RHOXF1: variants seen among roughly 807,000 people sequenced by gnomAD.
RHOXF1 encodes PEPP subfamily gene 1.
In RHOXF1, 1 loss-of-function variant was observed where a neutral mutation model predicts 9.7. That is an observed-to-expected ratio of 0.10 (90% CI 0.04 to 0.49). The LOEUF (loss-of-function observed/expected upper bound fraction) is 0.49, where lower values mean the gene tolerates loss of function less well. RHOXF1 is among the 20% of genes least tolerant of loss of function. The pLI, the probability that RHOXF1 is intolerant of heterozygous loss-of-function variation, is 0.95. For missense variants in RHOXF1, 179 were observed against 168.0 expected, an observed-to-expected ratio of 1.07 and a Z score of -0.36; for synonymous variants, 72 against 70.2, an observed-to-expected ratio of 1.03 and a Z score of -0.13.
chrX:120,116,533 C>T (rs1227082941), upstream of RHOXF1: 1 of 110,641 alleles, frequency 9.0e-6, no homozygotes, highest in Non-Finnish European at 1.9e-5. Flanking sequence ...CCATAGGACG[C>T]CTTGAGTAAA....
chrX:120,115,706 C>A lies in RHOXF1; in HGVS notation c.157G>T (p.Gly53Cys), dbSNP rs1556000472. The stretch of plus-strand genomic sequence containing the variant: ...TTCATGCCGTTCTCGTGGTTCACAC[C>A]GCCCTCAGGGTTCATATTACCCATG... ...GLMGNMNPEG[G>C]VNHENGMNRD... The change falls in exon 1 of 3, where the codon GGT becomes TGT. Residue 53 changes from glycine (G) to cysteine (C), a missense_variant. Gly to Cys is a radical substitution (Grantham distance 159). Transcript: ENST00000217999. The A allele has an allele frequency of 3.3e-6, 4 of 1,206,817 alleles. No homozygotes were observed. The African/African-American group carries it at 7.0e-5, about 21-fold the overall frequency.
intron 2 of RHOXF1, among the ~76,000 whole-genome samples, chrX:120,109,807 G>A (rs962920985): frequency 1.8e-5 from 2 of 110,959 alleles, no homozygotes; most frequent in Admixed American, 1.9e-4. Flanking sequence ...CTGGACTTGA[G>A]CTCCTGGCCT....
At chrX:120,115,116 A>C (rs1452023027) in intron 1 of RHOXF1, among the ~76,000 whole-genome samples, 2 of 111,697 alleles carry the variant, frequency 1.8e-5, no homozygotes, top group African/African-American at 6.5e-5. Context: ...TTAGCTTGGC[A>C]AGATGAGAAG....
upstream of RHOXF1, among the ~76,000 whole-genome samples, chrX:120,119,137 C>T (rs982901124): frequency 4.5e-5 from 5 of 112,102 alleles, no homozygotes; most frequent in African/African-American, 1.6e-4. Flanking sequence ...GAAAGTGAGT[C>T]AAGTAGGAAA....
At chrX:120,109,351 T>C in intron 2 of RHOXF1, 49 bp from the exon 3 acceptor site, 1 of 772,000 alleles carries the variant, frequency 1.3e-6, no homozygotes. Context: ...GAACAGTTAA[T>C]GTCGTAATAG....
At chrX:120,110,982 T>C (rs1470452985) in intron 2 of RHOXF1, among the ~76,000 whole-genome samples, 1 of 112,127 alleles carries the variant, frequency 8.9e-6, no homozygotes, top group Non-Finnish European at 1.9e-5. Context: ...TGGTATGTTC[T>C]GATACTAGGT....
intron 1 of RHOXF1, among the ~76,000 whole-genome samples, chrX:120,113,420 C>T (rs1284297501): frequency 9.1e-6 from 1 of 110,007 alleles, no homozygotes; most frequent in Admixed American, 9.6e-5. Context: ...AACCACCGCA[C>T]CCGGCCAAGA....
upstream of RHOXF1, among the ~76,000 whole-genome samples, chrX:120,118,708 T>C (rs2057306083): frequency 9.0e-6 from 1 of 111,465 alleles, no homozygotes; most frequent in African/African-American, 3.3e-5. Context: ...TGCTTTCACC[T>C]TTTTTCTCCT....
chrX:120,109,088 A>G lies in RHOXF1; in HGVS notation c.*104T>C. 3 of 442,269 alleles carry G rather than the reference A, an allele frequency of 6.8e-6. No homozygotes were observed. Among genetic ancestry groups the G allele is most frequent in the Non-Finnish European group, 1.2e-5 (3 of 245,145 alleles). 36.4% of individuals were successfully genotyped at this position (442,269 alleles called of 1,213,427 possible). On this transcript the variant is annotated 3_prime_UTR_variant, in exon 3 of 3. Coordinates refer to ENST00000217999, the MANE Select transcript of RHOXF1 (RefSeq NM_139282.3). ...GCCTCTTTATTGATAACATAAGTGCAGAGGAGATAAGGGTAGCCTGAGCGG... is the reference window on the plus strand; with the variant it reads ...GCCTCTTTATTGATAACATAAGTGCGGAGGAGATAAGGGTAGCCTGAGCGG...
upstream of RHOXF1, among the ~76,000 whole-genome samples, chrX:120,116,868 C>T (rs1482626350): frequency 1.8e-5 from 2 of 111,286 alleles, no homozygotes; most frequent in African/African-American, 6.6e-5. Flanking sequence ...GTACTCATGG[C>T]AAAATGGAGT....
intron 2 of RHOXF1, among the ~76,000 whole-genome samples, chrX:120,110,138 G>A (rs1323710977): frequency 9.0e-6 from 1 of 111,548 alleles, no homozygotes; most frequent in African/African-American, 3.3e-5. Flanking sequence ...TCAGGGGATT[G>A]TTTAAAAAAT....
Position 120,115,511 on chromosome X carries a change from G to T in RHOXF1, c.352C>A (p.Leu118Met), listed in dbSNP as rs938508848. The change falls in exon 1 of 3, where the codon CTG becomes ATG. Residue 118 changes from leucine (L) to methionine (M), a missense_variant. Leu to Met is a conservative substitution (Grantham distance 15, BLOSUM62 2). Coordinates refer to ENST00000217999, the MANE Select transcript of RHOXF1 (RefSeq NM_139282.3). ...TGAGTGTGTCGGAAAACACTTTCCA[G>T]CTCCTCCACCTGCAACAGCGTGAAC... ...TKFTLLQVEE[L>M]ESVFRHTQYP... is the part of the protein sequence containing the mutation. 2 of 1,132,167 alleles carry T rather than the reference G, an allele frequency of 1.8e-6. No homozygotes were observed. Among genetic ancestry groups the T allele is most frequent in the African/African-American group, 1.8e-5 (1 of 54,315 alleles). 93.3% of individuals were successfully genotyped at this position (1,132,167 alleles called of 1,213,427 possible).
At chrX:120,115,378 T>C (rs1417086845) in intron 1 of RHOXF1, 87 bp downstream of exon 1, 6 of 861,164 alleles carry the variant, frequency 7.0e-6, no homozygotes, top group African/African-American at 6.2e-5. Flanking sequence ...AGTGGCTTTT[T>C]CCTCATGATT....
At position 120,115,594 on chromosome X, in the gene RHOXF1, T is replaced by A. The variant is rs2057290114; in HGVS notation, c.269A>T (p.Gln90Leu). The change falls in exon 1 of 3, where the codon CAG (glutamine) becomes CTG (leucine). Residue 90 changes from glutamine to leucine, a missense_variant. Gln to Leu is a moderately radical substitution (Grantham distance 113). Coordinates refer to ENST00000217999, the MANE Select transcript of RHOXF1 (RefSeq NM_139282.3). ...QPQPPPEEPA[Q>L]AAMEGPQPEN... ...GGGCTGCGGACCCTCCATGGCCGCC[T>A]GGGCCGGCTCCTCCGGCGGGGGCTG... 1.7e-6 allele frequency: 2 copies of A among 1,156,088 alleles called. No homozygotes were observed. The highest frequency in any genetic ancestry group is 5.4e-5 in the Admixed American group (2 of 37,213).
chrX:120,119,426 G>A (rs2057308508), upstream of RHOXF1: 1 of 111,058 alleles, frequency 9.0e-6, no homozygotes, highest in African/African-American at 3.3e-5. Flanking sequence ...GGTTCCATTA[G>A]GTACTTAAGG....
In RHOXF1 at chrX:120,112,832, G is replaced by A. The variant is rs113648204; in HGVS notation, c.444+37C>T. 1.7e-3 allele frequency: 1,856 copies of A among 1,083,268 alleles called. 1 individual carries two copies. Among genetic ancestry groups the A allele is most frequent in the Non-Finnish European group, 2.3e-3 (1,791 of 786,039 alleles). The allele number at this position is 1,083,268 out of a possible 1,213,427, so 89.3% of individuals were successfully genotyped here. ...AATGCCCTGAAGCAGGTTTTAGAAT[G>A]GCTGTCCTCTCAAATTGCTTTTTCA... On this transcript the variant is annotated intron_variant, in intron 2 of 2. Coordinates refer to ENST00000217999, the MANE Select transcript of RHOXF1 (RefSeq NM_139282.3).
intron 1 of RHOXF1, 131 bp downstream of exon 1, chrX:120,115,334 C>T (rs2057288468): frequency 1.1e-5 from 5 of 457,983 alleles, no homozygotes; most frequent in Non-Finnish European, 1.3e-5. Context: ...AAATATCCCC[C>T]TCCACACCAG....
At chrX:120,111,618 C>G (rs1179693420) in intron 2 of RHOXF1, among the ~76,000 whole-genome samples, 11 of 111,669 alleles carry the variant, frequency 9.9e-5, no homozygotes, top group African/African-American at 3.3e-4. Flanking sequence ...GGGTGTGAAT[C>G]TACCCTAAAA....
chrX:120,118,158 G>A (rs782602827), upstream of RHOXF1, among the ~76,000 whole-genome samples: 3 of 112,145 alleles, frequency 2.7e-5, no homozygotes, highest in South Asian at 7.5e-4. Context: ...TGAAAGTGGG[G>A]CTTGGCGTGA....
Sources: gnomAD v4.1 joint callset for allele counts (sites outside exome capture counted in the v4.1 genomes callset) on GRCh38, gnomAD v4.1.1 for gene constraint, MANE v1.5 for transcripts, NCBI Gene and HGNC (gene_info 2026-07-23, HGNC 2026-07-21) for gene names.